Variants in ATP13A3 observed in about 807,000 individuals in gnomAD.
ATP13A3 encodes ATPase 13A3.
A neutral mutation model predicts 158.1 loss-of-function variants in ATP13A3; 59 were observed. The ratio of observed to expected loss-of-function variants is 0.37; its 90% CI spans 0.30 to 0.46. The LOEUF (loss-of-function observed/expected upper bound fraction) is 0.46, where lower values mean the gene tolerates loss of function less well. Ranked by LOEUF, ATP13A3 falls within the 20% of genes least tolerant of loss-of-function variation. The pLI, the probability that ATP13A3 is intolerant of heterozygous loss-of-function variation, is 1.00. For synonymous variants in ATP13A3, 491 were observed against 504.3 expected (o/e 0.97, Z 0.35); for missense variants, 1,166 against 1,525.2 (o/e 0.76, Z 3.92).
rs1454512005 is a variant in ATP13A3, at chr3:194,403,916, G to GT, written c.*2002dup. The stretch of plus-strand genomic sequence containing the variant: ...CTTACTAACTCTAAATGTTAAAAAA[G>GT]TGGGGGGGGGGTGTCAAAAATAGCT... On this transcript the variant is annotated 3_prime_UTR_variant, in exon 34 of 34. Transcript: ENST00000645319. The GT allele has an allele frequency of 1.1e-5, 3 of 282,294 alleles. No individual in the cohort carries two copies. Among genetic ancestry groups the GT allele is most frequent in the Non-Finnish European group, 1.3e-5 (2 of 156,208 alleles). The allele number at this position is 282,294 out of a possible 1,614,324, so 17.5% of individuals were successfully genotyped here. A position where few individuals can be genotyped will look rare whatever the true frequency, so the allele number is the denominator to read the frequency against.
intron 6 of ATP13A3, among the ~76,000 whole-genome samples, chr3:194,458,215 C>A (rs1719379465): frequency 6.6e-6 from 1 of 152,022 alleles, no homozygotes; most frequent in Non-Finnish European, 1.5e-5. Flanking sequence ...TCACTTCAAT[C>A]AATGGAGTAA....
At chr3:194,475,796 G>A (rs1362385297) in intron 2 of ATP13A3, among the ~76,000 whole-genome samples, 3 of 152,094 alleles carry the variant, frequency 2.0e-5, no homozygotes, top group Non-Finnish European at 4.4e-5. Flanking sequence ...AGTGACGCCT[G>A]TATGGGAATA....
At chr3:194,424,213 AAT>A (rs1290705377) in intron 30 of ATP13A3, among the ~76,000 whole-genome samples, 1 of 151,728 alleles carries the variant, frequency 6.6e-6, no homozygotes, top group Non-Finnish European at 1.5e-5. Context: ...ACTAATAAAT[AAT>A]ATAGTTATTT....
At chr3:194,427,048 G>C in intron 29 of ATP13A3, 27 bp downstream of exon 29, 1 of 1,587,642 alleles carries the variant, frequency 6.3e-7, no homozygotes, top group African/African-American at 1.4e-5. Context: ...ATTTTATATA[G>C]ATTTTTACAT....
chr3:194,446,206 T>C (rs979478857), intron 14 of ATP13A3, among the ~76,000 whole-genome samples: 1 of 152,206 alleles, frequency 6.6e-6, no homozygotes, highest in African/African-American at 2.4e-5. Flanking sequence ...ACGATTGTTT[T>C]GTCCGTCTTT....
chr3:194,410,358 T>A (rs1255398760), intron 33 of ATP13A3, among the ~76,000 whole-genome samples: 1 of 128,818 alleles, frequency 7.8e-6, no homozygotes, highest in Non-Finnish European at 1.6e-5. Flanking sequence ...GGCATGCACC[T>A]GTAGTTCCAT....
Position 194,444,495 on chromosome 3 carries a change from A to C in ATP13A3, c.1559+230T>G, listed in dbSNP as rs567189744. On this transcript the variant is annotated intron_variant, in intron 15 of 33. Coordinates refer to ENST00000645319, the MANE Select transcript of ATP13A3 (RefSeq NM_001367549.1). The stretch of plus-strand genomic sequence containing the variant: ...GAAAAAATATAAAATATGCAAAAAT[A>C]ATTTCAGAATGGCAGTAGGAATTGG... 2.0e-5 allele frequency among the ~76,000 whole-genome samples: 3 copies of C among 152,182 alleles called. No individual in the cohort carries two copies. In the South Asian group the frequency reaches 6.2e-4, roughly 32 times the overall value.
chr3:194,473,216 C>A (rs1193338558), intron 2 of ATP13A3, among the ~76,000 whole-genome samples: 1 of 151,762 alleles, frequency 6.6e-6, no homozygotes. Context: ...AGCAGAATTG[C>A]CTTTCTAAAA....
intron 33 of ATP13A3, among the ~76,000 whole-genome samples, chr3:194,406,972 A>T (rs1410154616): frequency 3.3e-5 from 5 of 152,188 alleles, no homozygotes; most frequent in African/African-American, 1.2e-4. Flanking sequence ...TGTCACTGAA[A>T]TCCTTCTGAT....
At chr3:194,411,974 T>C (rs1035429108) in intron 33 of ATP13A3, among the ~76,000 whole-genome samples, 3 of 152,204 alleles carry the variant, frequency 2.0e-5, no homozygotes, top group Non-Finnish European at 4.4e-5. Flanking sequence ...ATGAAATTTC[T>C]GATCTTGAAA....
chr3:194,437,430 G>A lies in ATP13A3; in HGVS notation c.1880C>T (p.Pro627Leu). 1.2e-6 allele frequency: 2 copies of A among 1,614,154 alleles called. No individual in the cohort carries two copies. The highest frequency in any genetic ancestry group is 8.5e-7 in the Non-Finnish European group (1 of 1,180,026). ...TYEIGIVRQF[P>L]FSSALQRMSV... Reference sequence around the variant, plus strand: ...CATACGTTGCAAAGCAGAAGAAAATGGGAACTGGCGAACAATTCCTATCTC... The same window carrying A: ...CATACGTTGCAAAGCAGAAGAAAATAGGAACTGGCGAACAATTCCTATCTC... Residue 627 changes from proline (P) to leucine (L), a missense_variant, in exon 19 of 34, where the codon CCA becomes CTA. By Grantham distance (98) the Pro-to-Leu change is moderately conservative. Around this residue, in one of 3 missense-constraint regions of ATP13A3, gnomAD observed 997 missense variants for 1,341.2 expected, o/e 0.74. Transcript: ENST00000645319.
Position 194,406,209 on chromosome 3 carries a change from A to T in ATP13A3, c.3574-93T>A, listed in dbSNP as rs1714918489. ...TTTGTTAAAGCACACATTAGCAGAG[A>T]AAAATAAGAGGAAATGACTTCTGAG... is the stretch of plus-strand genomic sequence containing the variant. On this transcript the variant is annotated intron_variant, in intron 33 of 33. Coordinates refer to ENST00000645319, the MANE Select transcript of ATP13A3 (RefSeq NM_001367549.1). 28 of 1,277,176 alleles carry T rather than the reference A, an allele frequency of 2.2e-5. 1 individual carries two copies. The highest frequency in any genetic ancestry group is 2.8e-5 in the Non-Finnish European group (26 of 923,098). The allele number at this position is 1,277,176 out of a possible 1,614,324, so 79.1% of individuals were successfully genotyped here.
chr3:194,450,435 T>C, intron 10 of ATP13A3, 159 bp from the exon 11 acceptor site: 2 of 698,190 alleles, frequency 2.9e-6, no homozygotes, highest in Non-Finnish European at 4.6e-6. Flanking sequence ...AATAAGATTA[T>C]TAGGCTAACA....
Position 194,459,942 on chromosome 3 carries a change from T to A in ATP13A3, c.255A>T (p.Lys85Asn). Residue 85 changes from lysine to asparagine, a missense_variant, in exon 5 of 34, where the codon AAA becomes AAT. Physicochemically the swap from Lys to Asn is moderately conservative, Grantham distance 94. This residue lies in a region of ATP13A3 where 104 missense variants were observed against 91.7 expected (regional missense o/e 1.13). Coordinates refer to ENST00000645319, the MANE Select transcript of ATP13A3 (RefSeq NM_001367549.1). ...AAGTTTCCAAAGAAAGAACGCGAAT[T>A]TTTGCACAAAACCACATTTTGAATT... ...TDEFKMWFCA[K>N]IRVLSLETYP... 6.2e-7 allele frequency: 1 copy of A among 1,612,888 alleles called. No individual in the cohort carries two copies. Among genetic ancestry groups the A allele is most frequent in the Non-Finnish European group, 8.5e-7 (1 of 1,179,356 alleles).
intron 10 of ATP13A3, among the ~76,000 whole-genome samples, chr3:194,453,213 G>A (rs1577070880): frequency 1.3e-5 from 2 of 150,688 alleles, no homozygotes; most frequent in East Asian, 3.9e-4. Context: ...TACTTGGGAG[G>A]CTGAGACAGG....
intron 2 of ATP13A3, among the ~76,000 whole-genome samples, chr3:194,469,445 G>A (rs1383266858): frequency 6.6e-6 from 1 of 151,998 alleles, no homozygotes; most frequent in Non-Finnish European, 1.5e-5. Flanking sequence ...TGGGAACAGA[G>A]TGAGACTCTG....
intron 27 of ATP13A3, 37 bp downstream of exon 27, chr3:194,429,641 A>C (rs763238144): frequency 6.7e-7 from 1 of 1,484,566 alleles, no homozygotes; most frequent in South Asian, 1.2e-5. Flanking sequence ...TACGGTGCAC[A>C]TTAAGTGTTA....
Position 194,486,257 on chromosome 3 carries a change from C to T in ATP13A3, c.-89+309G>A, listed in dbSNP as rs1194698338. On this transcript the variant is annotated intron_variant, in intron 1 of 33. Coordinates refer to ENST00000645319, the MANE Select transcript of ATP13A3 (RefSeq NM_001367549.1). Reference sequence around the variant, plus strand: ...GACTCATCGAGGGCCCTGCCAGCACCCCTACGCCTCTGCCCACAGGACCTC... The same window carrying T: ...GACTCATCGAGGGCCCTGCCAGCACTCCTACGCCTCTGCCCACAGGACCTC... Among the ~76,000 whole-genome samples, 4 of 142,836 alleles carry T rather than the reference C, an allele frequency of 2.8e-5. No individual in the cohort carries two copies. In the East Asian group the frequency reaches 6.2e-4, roughly 22 times the overall value. 93.7% of individuals were successfully genotyped at this position (142,836 alleles called of 152,430 possible). A position where few individuals can be genotyped will look rare whatever the true frequency, so the allele number is the denominator to read the frequency against.
At chr3:194,477,236 C>G (rs1003473818) in intron 2 of ATP13A3, among the ~76,000 whole-genome samples, 3 of 152,140 alleles carry the variant, frequency 2.0e-5, no homozygotes, top group Non-Finnish European at 4.4e-5. Context: ...CAGAGGACTG[C>G]CCCCACCTTT....
Sources: gnomAD v4.1 joint callset for allele counts (sites outside exome capture counted in the v4.1 genomes callset) on GRCh38, gnomAD v4.1.1 for gene constraint, gnomAD v4.1.1 regional missense constraint, MANE v1.5 for transcripts, NCBI Gene and HGNC (gene_info 2026-07-23, HGNC 2026-07-21) for gene names.